The following UBAP1 variants were observed in gnomAD, a reference collection of about 807,000 sequenced individuals.
UBAP1 encodes ubiquitin associated protein 1.
UBAP1 carries 5 observed loss-of-function variants against 39.0 expected under a neutral mutation model. That is an observed-to-expected ratio of 0.13 (90% CI 0.07 to 0.27). UBAP1 has a LOEUF of 0.27. Among genes scored for constraint, UBAP1 ranks in the 10% least tolerant of loss-of-function variants. The pLI is 1.00. For synonymous variants in UBAP1, 211 were observed against 225.1 expected (o/e 0.94, Z 0.56); for missense variants, 490 against 608.1 (o/e 0.81, Z 2.04).
chr9:34,180,314 A>G (rs918860906), intron 1 of UBAP1, among the ~76,000 whole-genome samples: 3 of 152,066 alleles, frequency 2.0e-5, no homozygotes, highest in African/African-American at 4.8e-5. Context: ...CAAGAGTTCA[A>G]GACCAGCCTG....
chr9:34,243,484 T>C (rs1834062124), intron 4 of UBAP1, among the ~76,000 whole-genome samples: 2 of 151,864 alleles, frequency 1.3e-5, no homozygotes, highest in Non-Finnish European at 2.9e-5. Context: ...TGGTGTTTCT[T>C]TTTTCTTTTT....
Position 34,241,610 on chromosome 9 carries a change from A to G in UBAP1, c.585A>G (p.Leu195=), listed in dbSNP as rs1416240555. 5 of 1,614,028 alleles carry G rather than the reference A, an allele frequency of 3.1e-6. No individual in the cohort carries two copies. Among genetic ancestry groups the G allele is most frequent in the Non-Finnish European group, 4.2e-6 (5 of 1,180,032 alleles). The stretch of plus-strand genomic sequence containing the variant: ...CCACTGGACCCATTATGGCTCAGTT[A>G]TTGGACAATAACTTGCCCAGGGGAG... The part of the protein sequence containing the change: ...VGTTGPIMAQ[L]LDNNLPRGGS... The change falls in exon 4 of 7, where the codon TTA becomes TTG. Residue 195 remains leucine, a synonymous_variant. Coordinates refer to ENST00000297661, the MANE Select transcript of UBAP1 (RefSeq NM_016525.5).
chr9:34,184,537 A>G lies in UBAP1; in HGVS notation c.-8+5297A>G, dbSNP rs536482490. Among the ~76,000 whole-genome samples, 16 of 146,974 alleles carry G rather than the reference A, an allele frequency of 1.1e-4. 1 individual carries two copies. In the South Asian group the frequency reaches 3.8e-3, roughly 35 times the overall value. On this transcript the variant is annotated intron_variant, in intron 1 of 6. Transcript: ENST00000297661. ...TCCCAGCTACTCGGGAGGCTGAGGCAGGAGAATGGCGTGAACCCGGGAGGT... is the reference window on the plus strand; with the variant it reads ...TCCCAGCTACTCGGGAGGCTGAGGCGGGAGAATGGCGTGAACCCGGGAGGT...
intron 5 of UBAP1, 137 bp downstream of exon 5, chr9:34,250,098 G>A: frequency 1.1e-6 from 1 of 907,492 alleles, no homozygotes; most frequent in Non-Finnish European, 1.6e-6. Context: ...GGCATGTTTT[G>A]GGGAAAGCCA....
intron 2 of UBAP1, chr9:34,224,146 CTT>C (rs995501113): frequency 1.5e-5 from 10 of 684,296 alleles, no homozygotes; most frequent in African/African-American, 3.7e-5. Context: ...TGATTTTGGC[CTT>C]TTTTTTTCCT....
At chr9:34,197,494 T>G (rs1053336181) in intron 1 of UBAP1, among the ~76,000 whole-genome samples, 3 of 152,024 alleles carry the variant, frequency 2.0e-5, no homozygotes, top group African/African-American at 4.8e-5. Flanking sequence ...CTCCATTTCT[T>G]TAGGGTTGTT....
intron 2 of UBAP1, among the ~76,000 whole-genome samples, chr9:34,227,869 T>TG (rs1186136678): frequency 6.6e-6 from 1 of 152,182 alleles, no homozygotes; most frequent in Non-Finnish European, 1.5e-5. Context: ...TGGATAAAAA[T>TG]GGACAATTCC....
At chr9:34,204,051 G>A (rs1831545532) in intron 1 of UBAP1, among the ~76,000 whole-genome samples, 1 of 152,188 alleles carries the variant, frequency 6.6e-6, no homozygotes, top group South Asian at 2.1e-4. Context: ...AAGAGACTGG[G>A]CGTGGTGGTT....
intron 2 of UBAP1, chr9:34,224,120 T>C: frequency 1.3e-6 from 1 of 741,900 alleles, no homozygotes; most frequent in Non-Finnish European, 2.1e-6. Flanking sequence ...CTGGAACTGC[T>C]CCTCCAGGAG....
chr9:34,250,699 G>A lies in UBAP1; in HGVS notation c.1308G>A (p.Lys436=), dbSNP rs757103588. ...TTGCACATGGACAGCTTTGTGAGAA[G>A]GGCTTCGACCCTCTTTTAGTGGAAG... ...YLFAHGQLCE[K]GFDPLLVEEA... The change falls in exon 6 of 7, where the codon AAG becomes AAA. Residue 436 remains lysine (K), a synonymous_variant. Coordinates refer to ENST00000297661, the MANE Select transcript of UBAP1 (RefSeq NM_016525.5). 6.2e-7 allele frequency: 1 copy of A among 1,613,784 alleles called. No individual in the cohort carries two copies. The highest frequency in any genetic ancestry group is 2.2e-5 in the East Asian group (1 of 44,868).
intron 3 of UBAP1, among the ~76,000 whole-genome samples, chr9:34,240,226 C>T (rs1486205089): frequency 1.3e-5 from 2 of 152,198 alleles, no homozygotes; most frequent in South Asian, 2.1e-4. Flanking sequence ...GCAGCTGGCT[C>T]AGGATGTAAA....
rs763653955 is a variant in UBAP1 at position 34,251,473 on chromosome 9, C to T, written c.1450C>T (p.His484Tyr). 6 of 1,614,064 alleles carry T rather than the reference C, an allele frequency of 3.7e-6. No individual in the cohort carries two copies. The African/African-American group carries it at 4.0e-5, about 11-fold the overall frequency. Residue 484 changes from histidine to tyrosine, a missense_variant, in exon 7 of 7, where the codon CAC (histidine) becomes TAC (tyrosine). Coordinates refer to ENST00000297661, the MANE Select transcript of UBAP1 (RefSeq NM_016525.5). ...AGACATTAAGGAAGTTTTGCTATTA[C>T]ACAACAATGACCAGGACAATGCTTT... ...LKDIKEVLLL[H>Y]NNDQDNALED...
rs996723205 is a variant in UBAP1 at position 34,212,720 on chromosome 9, A to C, written c.-7-8188A>C. 1.4e-4 allele frequency among the ~76,000 whole-genome samples: 3 copies of C among 20,714 alleles called. No homozygotes were observed. The South Asian group carries it at 0.01, about 69-fold the overall frequency. 13.6% of individuals were successfully genotyped at this position (20,714 alleles called of 152,430 possible). ...AGCAAGATTGAAATGGTAATTTAAAAATTACCAACAAAAAAGTCCAGGACC... is the reference window on the plus strand; with the variant it reads ...AGCAAGATTGAAATGGTAATTTAAACATTACCAACAAAAAAGTCCAGGACC... On this transcript the variant is annotated intron_variant, in intron 1 of 6. Coordinates refer to ENST00000297661, the MANE Select transcript of UBAP1 (RefSeq NM_016525.5).
At chr9:34,206,403 A>C (rs1189550936) in intron 1 of UBAP1, among the ~76,000 whole-genome samples, 1 of 152,134 alleles carries the variant, frequency 6.6e-6, no homozygotes, top group Non-Finnish European at 1.5e-5. Flanking sequence ...CCAGCTACTC[A>C]GGAGGCTGAG....
chr9:34,182,667 CTTTCTTTCTTTCTT>C lies in UBAP1; in HGVS notation c.-8+3429_-8+3442del, dbSNP rs1359820722. 9.3e-4 allele frequency among the ~76,000 whole-genome samples: 52 copies of C among 55,646 alleles called. 1 individual carries two copies. The highest frequency in any genetic ancestry group is 1.8e-3 in the African/African-American group (41 of 22,164). 36.5% of individuals were successfully genotyped at this position (55,646 alleles called of 152,430 possible). A position where few individuals can be genotyped will look rare whatever the true frequency, so the allele number is the denominator to read the frequency against. On this transcript the variant is annotated intron_variant, in intron 1 of 6. Coordinates refer to ENST00000297661, the MANE Select transcript of UBAP1 (RefSeq NM_016525.5). The stretch of plus-strand genomic sequence containing the variant: ...TCTTTCTTTCTTTCTTTCTTTCTTT[CTTTCTTTCTTTCTT>C]TCTCTCTCTCTTTCTTTTCTTTTCT...
At chr9:34,211,797 G>GCA (rs1460735503) in intron 1 of UBAP1, among the ~76,000 whole-genome samples, 1 of 151,182 alleles carries the variant, frequency 6.6e-6, no homozygotes, top group Admixed American at 6.6e-5. Context: ...CATTTCTCTT[G>GCA]TTACCTGTTT....
chr9:34,182,673 TTC>T (rs1257625137), intron 1 of UBAP1, among the ~76,000 whole-genome samples: 1 of 66,996 alleles, frequency 1.5e-5, no homozygotes, highest in Non-Finnish European at 3.1e-5. Context: ...CTTTCTTTCT[TTC>T]TTTCTTTCTC....
At chr9:34,193,567 T>C (rs887220948) in intron 1 of UBAP1, among the ~76,000 whole-genome samples, 1 of 152,190 alleles carries the variant, frequency 6.6e-6, no homozygotes, top group Non-Finnish European at 1.5e-5. Flanking sequence ...TATGACCCAC[T>C]GTCTTCATGT....
intron 1 of UBAP1, among the ~76,000 whole-genome samples, chr9:34,187,188 G>A (rs1432595732): frequency 2.6e-5 from 4 of 152,188 alleles, no homozygotes; most frequent in South Asian, 2.1e-4. Flanking sequence ...GATTACAGGC[G>A]TGAGCCACTG....
Sources: gnomAD v4.1 joint callset for allele counts (sites outside exome capture counted in the v4.1 genomes callset) on GRCh38, gnomAD v4.1.1 for gene constraint, MANE v1.5 for transcripts, NCBI Gene and HGNC (gene_info 2026-07-23, HGNC 2026-07-21) for gene names.